The following RHOT1 variants were observed in gnomAD, a reference collection of about 807,000 sequenced individuals.
RHOT1 encodes the protein ras homolog family member T1.
Under a neutral mutation model 95.3 loss-of-function variants are expected in RHOT1, and 27 were observed. That is an observed-to-expected ratio of 0.28 (90% CI 0.21 to 0.39). The LOEUF is 0.39. Ranked by LOEUF, RHOT1 falls within the 10% of genes least tolerant of loss-of-function variation. The pLI, the probability that RHOT1 is intolerant of heterozygous loss-of-function variation, is 1.00. For synonymous variants in RHOT1, 227 were observed against 263.5 expected, an observed-to-expected ratio of 0.86 and a Z score of 1.34; for missense variants, 578 against 786.7, an observed-to-expected ratio of 0.73 and a Z score of 3.17.
chr17:32,145,873 G>T (rs1045987771), intron 1 of RHOT1, among the ~76,000 whole-genome samples: 2 of 152,056 alleles, frequency 1.3e-5, no homozygotes, highest in African/African-American at 2.4e-5. Flanking sequence ...AAAATTAGCT[G>T]GGTGAAGTGG....
chr17:32,143,731 G>C (rs187045458), intron 1 of RHOT1, among the ~76,000 whole-genome samples: 63 of 152,346 alleles, frequency 4.1e-4, no homozygotes, highest in African/African-American at 1.5e-3. Context: ...AAGAAAGTGG[G>C]CCAGGGATAA....
intron 11 of RHOT1, among the ~76,000 whole-genome samples, 158 bp from the exon 12 acceptor site, chr17:32,198,789 A>G (rs1225186878): frequency 6.6e-6 from 1 of 152,144 alleles, no homozygotes; most frequent in East Asian, 1.9e-4. Context: ...TGCCAAAATC[A>G]CTCCAGAGAG....
At chr17:32,167,853 G>A (rs2034228812) in intron 1 of RHOT1, among the ~76,000 whole-genome samples, 1 of 151,888 alleles carries the variant, frequency 6.6e-6, no homozygotes, top group African/African-American at 2.4e-5. Context: ...TGGGCAACAT[G>A]GTGAGACCCT....
rs2036695000 is a variant in RHOT1 at position 32,194,106 on chromosome 17, C to T, written c.868C>T (p.Leu290=). 4 of 1,610,460 alleles carry T rather than the reference C, an allele frequency of 2.5e-6. No individual in the cohort carries two copies. Among genetic ancestry groups the T allele is most frequent in the Non-Finnish European group, 3.4e-6 (4 of 1,178,990 alleles). ...TTTGACACCTGAATATTTGTTCCCC[C>T]TGTATGTACCTTTGTTTTTTTTGTT... ...LDLTPEYLFP[L]LKIPPDCTTE... The change falls in exon 11 of 20, where the codon CTG becomes TTG. Residue 290 remains leucine, a splice_region_variant and synonymous_variant. Coordinates refer to ENST00000545287, the MANE Select transcript of RHOT1 (RefSeq NM_001033566.3).
rs1484624401 is a variant in RHOT1 at position 32,176,025 on chromosome 17, A to G, written c.276+10A>G. Reference sequence around the variant, plus strand: ...GCATTCTATTGATAAGGTAGGTGTGATCTTTTTTTCCCTATAGTTGGTTTC... The same window carrying G: ...GCATTCTATTGATAAGGTAGGTGTGGTCTTTTTTTCCCTATAGTTGGTTTC... On this transcript the variant is annotated intron_variant, in intron 5 of 19. Transcript: ENST00000545287. The G allele has an allele frequency of 6.2e-7, 1 of 1,604,864 alleles. No individual in the cohort carries two copies. Among genetic ancestry groups the G allele is most frequent in the East Asian group, 2.2e-5 (1 of 44,774 alleles).
At chr17:32,178,208 C>A (rs550319153) in intron 6 of RHOT1, among the ~76,000 whole-genome samples, 15 of 149,850 alleles carry the variant, frequency 1.0e-4, no homozygotes, top group Admixed American at 2.7e-4. Context: ...TGCCCTCCCC[C>A]CCCCCAGTGA....
intron 11 of RHOT1, among the ~76,000 whole-genome samples, chr17:32,195,843 G>A (rs2036841731): frequency 6.6e-6 from 1 of 152,084 alleles, no homozygotes; most frequent in Admixed American, 6.5e-5. Context: ...GAATGAATTT[G>A]TTATAGGACT....
At chr17:32,213,531 T>G (rs1314751871) in intron 19 of RHOT1, among the ~76,000 whole-genome samples, 2 of 152,352 alleles carry the variant, frequency 1.3e-5, no homozygotes, top group Admixed American at 1.3e-4. Flanking sequence ...ACATTTTGTC[T>G]TCCTGTCTTA....
chr17:32,183,535 C>CA (rs1210398430), intron 8 of RHOT1, among the ~76,000 whole-genome samples: 1 of 152,128 alleles, frequency 6.6e-6, no homozygotes, highest in Non-Finnish European at 1.5e-5. Context: ...ACAATAACAA[C>CA]AAAAAAGTCC....
intron 4 of RHOT1, 53 bp from the exon 5 acceptor site, chr17:32,175,909 G>A (rs2034966122): frequency 1.6e-6 from 2 of 1,254,782 alleles, no homozygotes; most frequent in South Asian, 1.5e-5. Flanking sequence ...ATTAAGTGCT[G>A]TCTATGTTTT....
chr17:32,179,858 C>G (rs1390772191), intron 6 of RHOT1: 7 of 137,832 alleles, frequency 5.1e-5, no homozygotes, highest in Admixed American at 5.0e-4. Flanking sequence ...CTCTACCTGG[C>G]TGCCCCATCT....
intron 16 of RHOT1, among the ~76,000 whole-genome samples, chr17:32,204,253 G>C (rs1273937257): frequency 2.0e-5 from 3 of 152,068 alleles, no homozygotes; most frequent in Non-Finnish European, 4.4e-5. Flanking sequence ...TTATTCATTA[G>C]AATTTTAAGT....
chr17:32,156,858 T>C (rs1464090760), intron 1 of RHOT1, among the ~76,000 whole-genome samples: 4 of 152,266 alleles, frequency 2.6e-5, no homozygotes, highest in African/African-American at 9.6e-5. Context: ...TCATGACATT[T>C]ACCATTTGTG....
At chr17:32,151,244 T>C in intron 1 of RHOT1, 1 of 719,936 alleles carries the variant, frequency 1.4e-6, no homozygotes, top group Non-Finnish European at 2.6e-6. Context: ...TTTATACTGT[T>C]GGCGGGTGAA....
intron 19 of RHOT1, among the ~76,000 whole-genome samples, chr17:32,223,338 A>G (rs975408412): frequency 4.0e-5 from 6 of 151,704 alleles, no homozygotes; most frequent in Non-Finnish European, 7.4e-5. Flanking sequence ...TTTGCTTCAA[A>G]TCTGTTTAAC....
At chr17:32,151,881 C>CA (rs60313146) in intron 1 of RHOT1, among the ~76,000 whole-genome samples, 4,027 of 59,026 alleles carry the variant, frequency 0.068, 258 homozygotes, top group African/African-American at 0.16. Flanking sequence ...GACTCCGTCT[C>CA]AAAAAAAAAA....
intron 1 of RHOT1, among the ~76,000 whole-genome samples, chr17:32,164,556 A>G (rs2033870951): frequency 6.6e-6 from 1 of 151,920 alleles, no homozygotes; most frequent in Non-Finnish European, 1.5e-5. Context: ...TTAATACCAA[A>G]AATTACCTTA....
Position 32,151,219 on chromosome 17 carries a change from C to CAGAGCTTCTAGTTCTTTAT in RHOT1, c.37+8492_37+8510dup, listed in dbSNP as rs1464482850. ...TGTCTGGGAACATGGTCTGGCTAAA[C>CAGAGCTTCTAGTTCTTTAT]AGAGCTTCTAGTTCTTTATACTGTT... On this transcript the variant is annotated intron_variant, in intron 1 of 19. Coordinates refer to ENST00000545287, the MANE Select transcript of RHOT1 (RefSeq NM_001033566.3). 4.0e-6 allele frequency: 3 copies of CAGAGCTTCTAGTTCTTTAT among 746,514 alleles called. No individual in the cohort carries two copies. In the Admixed American group the frequency reaches 5.2e-5, roughly 13 times the overall value. The allele number at this position is 746,514 out of a possible 1,614,324, so 46.2% of individuals were successfully genotyped here. A position where few individuals can be genotyped will look rare whatever the true frequency, so the allele number is the denominator to read the frequency against.
chr17:32,202,734 A>T (rs755047503), intron 14 of RHOT1, 36 bp from the exon 15 acceptor site: 9 of 1,477,700 alleles, frequency 6.1e-6, no homozygotes, highest in Non-Finnish European at 8.3e-6. Context: ...TAAGTGGTAC[A>T]TATTTAGTGG....
Sources: gnomAD v4.1 joint callset for allele counts (sites outside exome capture counted in the v4.1 genomes callset) on GRCh38, gnomAD v4.1.1 for gene constraint, MANE v1.5 for transcripts, NCBI Gene and HGNC (gene_info 2026-07-23, HGNC 2026-07-21) for gene names.